Variants in MTCL2 observed in about 807,000 individuals in gnomAD.
MTCL2 encodes microtubule crosslinking factor 2, also known as microtubule cross-linking factor 2.
the MTCL2 span, chr20:36,783,748 A>C: frequency 1.0e-6 from 1 of 985,056 alleles, no homozygotes; most frequent in Non-Finnish European, 1.2e-6. Flanking sequence ...CTTAAAAGGC[A>C]TTTGAAGAAA....
the MTCL2 span, among the ~76,000 whole-genome samples, chr20:36,822,308 A>C: frequency 6.6e-6 from 1 of 152,270 alleles, no homozygotes; most frequent in Non-Finnish European, 1.5e-5. Context: ...TTGGGAGGGC[A>C]GGACAAGGCA....
At chr20:36,815,473 T>C in the MTCL2 span, 1 of 1,601,362 alleles carries the variant, frequency 6.2e-7, no homozygotes, top group Admixed American at 1.7e-5. The surrounding 1 kb of genome is among the most constrained non-coding windows in gnomAD (Gnocchi z 5.3). Context: ...GCCTGCTCTC[T>C]CAGCCCAGGC....
the MTCL2 span, among the ~76,000 whole-genome samples, chr20:36,844,713 GAC>G: frequency 2.0e-5 from 3 of 147,268 alleles, no homozygotes; most frequent in Non-Finnish European, 4.5e-5. Flanking sequence ...TGATCATAGA[GAC>G]AGTTTTGAAA....
At chr20:36,808,783 T>G in the MTCL2 span, 25 of 1,500,650 alleles carry the variant, frequency 1.7e-5, no homozygotes, top group East Asian at 2.4e-5. Flanking sequence ...CAGGGCCCTG[T>G]CCTCTCCCCC....
chr20:36,798,359 C>T, the MTCL2 span, among the ~76,000 whole-genome samples: 3 of 152,174 alleles, frequency 2.0e-5, no homozygotes, highest in East Asian at 1.9e-4. Context: ...TGAGGCACCG[C>T]GTCTGGCCGC....
At chr20:36,784,236 G>C in the MTCL2 span, 9 of 985,838 alleles carry the variant, frequency 9.1e-6, no homozygotes, top group Non-Finnish European at 1.1e-5. Flanking sequence ...CCTCATGGGT[G>C]AGAGCAGCAG....
chr20:36,802,107 G>A, the MTCL2 span, among the ~76,000 whole-genome samples: 1 of 151,902 alleles, frequency 6.6e-6, no homozygotes, highest in African/African-American at 2.4e-5. Flanking sequence ...CCAACATGGT[G>A]AAACCCTATC....
the MTCL2 span, among the ~76,000 whole-genome samples, chr20:36,844,648 C>T: frequency 1.3e-5 from 2 of 151,540 alleles, no homozygotes; most frequent in Admixed American, 6.6e-5. Flanking sequence ...TATGATTGCA[C>T]CACTGCACTC....
chr20:36,836,255 AC>A, the MTCL2 span, among the ~76,000 whole-genome samples: 1 of 151,124 alleles, frequency 6.6e-6, no homozygotes, highest in African/African-American at 2.4e-5. Context: ...GCTCACTGAA[AC>A]CTTTAACTCC....
the MTCL2 span, among the ~76,000 whole-genome samples, chr20:36,821,555 C>CA: frequency 1.3e-5 from 2 of 151,888 alleles, no homozygotes; most frequent in African/African-American, 4.8e-5. Context: ...ACAAAACAGA[C>CA]AAAATGCATA....
chr20:36,811,851 G>A, the MTCL2 span, among the ~76,000 whole-genome samples: 1 of 152,090 alleles, frequency 6.6e-6, no homozygotes, highest in East Asian at 1.9e-4. Context: ...AGGTGCTCAG[G>A]CTGGAAAATA....
the MTCL2 span, among the ~76,000 whole-genome samples, chr20:36,848,725 A>G: frequency 6.6e-6 from 1 of 152,220 alleles, no homozygotes; most frequent in Non-Finnish European, 1.5e-5. Flanking sequence ...CTTTCCTTGG[A>G]ACCAGAACTC....
At chr20:36,785,252 C>T in the MTCL2 span, 5 of 985,368 alleles carry the variant, frequency 5.1e-6, no homozygotes, top group African/African-American at 3.5e-5. Flanking sequence ...CAAGCGGCCT[C>T]GTCCACCCAG....
the MTCL2 span, chr20:36,793,363 G>A: frequency 1.3e-6 from 2 of 1,551,752 alleles, no homozygotes; most frequent in East Asian, 2.4e-5. This position sits in a 1 kb window ranked among gnomAD's most constrained non-coding sequence, Gnocchi z 6.8. Context: ...CTGCCTTCTT[G>A]TTCAGGATCC....
At chr20:36,845,423 C>G in the MTCL2 span, among the ~76,000 whole-genome samples, 1 of 152,274 alleles carries the variant, frequency 6.6e-6, no homozygotes, top group African/African-American at 2.4e-5. Flanking sequence ...TTTGTGACAG[C>G]CCAAGATGTT....
chr20:36,810,706 T>TTCTTTCTCTCCC, the MTCL2 span, among the ~76,000 whole-genome samples: 28 of 61,052 alleles, frequency 4.6e-4, no homozygotes, highest in Non-Finnish European at 9.7e-4. Context: ...CCTCCCCTCC[T>TTCTTTCTCTCCC]TCTCTCTCTC....
At chr20:36,814,850 G>T in the MTCL2 span, among the ~76,000 whole-genome samples, 3 of 152,150 alleles carry the variant, frequency 2.0e-5, no homozygotes, top group Admixed American at 6.5e-5. Flanking sequence ...TTGCGCCACT[G>T]CATTCCAGCC....
At chr20:36,829,162 C>T in the MTCL2 span, 4 of 1,609,248 alleles carry the variant, frequency 2.5e-6, no homozygotes, top group East Asian at 8.9e-5. Context: ...CCCGTTTCTT[C>T]TCCACCACCT....
the MTCL2 span, among the ~76,000 whole-genome samples, chr20:36,861,401 C>A: frequency 6.6e-6 from 1 of 152,140 alleles, no homozygotes; most frequent in South Asian, 2.1e-4. Flanking sequence ...TTCAGACAGA[C>A]CTTGTCCTTC....
Sources: gnomAD v4.1 joint callset for allele counts (sites outside exome capture counted in the v4.1 genomes callset) on GRCh38, gnomAD v4.1.1 for gene constraint, Gnocchi (gnomAD v3.1) non-coding constraint, MANE v1.5 for transcripts, NCBI Gene and HGNC (gene_info 2026-07-23, HGNC 2026-07-21) for gene names.